NRXN1: variants seen among roughly 807,000 people sequenced by gnomAD.
The protein encoded by NRXN1 is neurexin-1.
NRXN1 carries 39 observed loss-of-function variants against 150.9 expected under a neutral mutation model. That is an observed-to-expected ratio of 0.26 (90% CI 0.20 to 0.34). The LOEUF (loss-of-function observed/expected upper bound fraction) is 0.34, where lower values mean the gene tolerates loss of function less well. NRXN1 is among the 10% of genes least tolerant of loss of function. The pLI is 1.00. For synonymous variants in NRXN1, 924 were observed against 757.0 expected (o/e 1.22, Z -3.62); for missense variants, 1,815 against 1,949.9 (o/e 0.93, Z 1.30).
At chr2:50,239,799 C>T (rs1186410098) in intron 17 of NRXN1, among the ~76,000 whole-genome samples, 4 of 146,690 alleles carry the variant, frequency 2.7e-5, no homozygotes, top group Non-Finnish European at 6.0e-5. Flanking sequence ...TCAAGGCCAA[C>T]TGTTATCATA....
intron 2 of NRXN1, among the ~76,000 whole-genome samples, chr2:50,998,100 C>T (rs1339423379): frequency 7.1e-6 from 1 of 141,278 alleles, no homozygotes; most frequent in Non-Finnish European, 1.5e-5. Context: ...AGAGTCTTTC[C>T]AGGTTTTCTG....
chr2:49,928,631 C>A (rs928422203), intron 22 of NRXN1, among the ~76,000 whole-genome samples: 2 of 151,838 alleles, frequency 1.3e-5, no homozygotes, highest in African/African-American at 2.4e-5. Context: ...TGAAAAAAAA[C>A]AACTCAAAGT....
At chr2:50,908,158 T>C (rs1683998893) in intron 5 of NRXN1, among the ~76,000 whole-genome samples, 1 of 152,100 alleles carries the variant, frequency 6.6e-6, no homozygotes, top group African/African-American at 2.4e-5. Flanking sequence ...GATAATTTAC[T>C]ACTTTTAATG....
chr2:50,956,910 C>A (rs1692375663), intron 2 of NRXN1, among the ~76,000 whole-genome samples: 1 of 152,008 alleles, frequency 6.6e-6, no homozygotes, highest in Non-Finnish European at 1.5e-5. Flanking sequence ...ATGGGAAGAT[C>A]AGGTCTTTTC....
intron 5 of NRXN1, among the ~76,000 whole-genome samples, chr2:50,659,083 T>G (rs1424819482): frequency 1.3e-5 from 2 of 151,968 alleles, no homozygotes; most frequent in East Asian, 3.9e-4. Flanking sequence ...GTCCTCCACT[T>G]TGCTCCCCAC....
intron 5 of NRXN1, among the ~76,000 whole-genome samples, chr2:50,828,255 G>C (rs1447249704): frequency 4.3e-4 from 65 of 149,638 alleles, no homozygotes; most frequent in African/African-American, 1.5e-3. Context: ...GGACGGGGCG[G>C]CTGGCCGGGC....
chr2:50,111,213 C>T (rs1702329876), intron 18 of NRXN1, among the ~76,000 whole-genome samples: 1 of 152,098 alleles, frequency 6.6e-6, no homozygotes, highest in Admixed American at 6.5e-5. Context: ...TGATCTTAGG[C>T]CCAAACTCTC....
At chr2:50,310,454 T>C (rs978799231) in intron 17 of NRXN1, among the ~76,000 whole-genome samples, 1 of 152,192 alleles carries the variant, frequency 6.6e-6, no homozygotes, top group African/African-American at 2.4e-5. Context: ...ATTTGATTAC[T>C]GCATCCCCTA....
At chr2:50,700,992 A>T (rs570823082) in intron 5 of NRXN1, among the ~76,000 whole-genome samples, 2 of 152,046 alleles carry the variant, frequency 1.3e-5, no homozygotes, top group African/African-American at 2.4e-5. Context: ...AAAATCTCTT[A>T]AATTGTCCGA....
intron 17 of NRXN1, among the ~76,000 whole-genome samples, chr2:50,448,814 T>C (rs1353944511): frequency 6.6e-6 from 1 of 152,116 alleles, no homozygotes. Context: ...GCCGACTCAC[T>C]GAACAGAAGC....
At chr2:50,853,906 G>A (rs762255706) in intron 5 of NRXN1, among the ~76,000 whole-genome samples, 35 of 152,014 alleles carry the variant, frequency 2.3e-4, no homozygotes, top group East Asian at 9.7e-4. Context: ...TGTTAATTTC[G>A]CAACACATGC....
chr2:50,552,510 G>T, intron 9 of NRXN1, 77 bp downstream of exon 9: 1 of 1,084,320 alleles, frequency 9.2e-7, no homozygotes, highest in Non-Finnish European at 1.4e-6. Flanking sequence ...AATATGTCTT[G>T]GTTTTCACTT....
rs909230798 is a variant in NRXN1 at position 50,248,258 on chromosome 2, T to C, written c.3365-11288A>G. The stretch of plus-strand genomic sequence containing the variant: ...TCAAACTTCTGGCCTCAATAGATCT[T>C]TCTGCCTTGGCCTCTGAAGTGCTGG... On this transcript the variant is annotated intron_variant, in intron 17 of 22. Coordinates refer to ENST00000401669, the MANE Select transcript of NRXN1 (RefSeq NM_001330078.2). Among the ~76,000 whole-genome samples, 7 of 152,154 alleles carry C rather than the reference T, an allele frequency of 4.6e-5. No homozygotes were observed. The East Asian group carries it at 1.3e-3, about 29-fold the overall frequency.
intron 15 of NRXN1, among the ~76,000 whole-genome samples, chr2:50,476,838 A>T (rs1019224242): frequency 7.9e-5 from 12 of 152,114 alleles, no homozygotes; most frequent in Admixed American, 2.0e-4. Context: ...TGGTAATATA[A>T]ATAGGAAAGT....
At chr2:50,749,161 T>C (rs1451275544) in intron 5 of NRXN1, among the ~76,000 whole-genome samples, 1 of 152,158 alleles carries the variant, frequency 6.6e-6, no homozygotes, top group Admixed American at 6.6e-5. Flanking sequence ...AACATCTACA[T>C]TAATATACAT....
chr2:50,574,586 G>T (rs1459955218), intron 8 of NRXN1, among the ~76,000 whole-genome samples: 1 of 152,228 alleles, frequency 6.6e-6, no homozygotes, highest in Middle Eastern at 3.4e-3. Flanking sequence ...GCTCTCTAAG[G>T]TCTCCTAACG....
At chr2:50,513,087 A>G (rs1263281345) in intron 12 of NRXN1, among the ~76,000 whole-genome samples, 1 of 152,202 alleles carries the variant, frequency 6.6e-6, no homozygotes, top group Non-Finnish European at 1.5e-5. Flanking sequence ...TCCATCATCT[A>G]TAAATGTGAG....
At chr2:50,876,155 C>A (rs1382970970) in intron 5 of NRXN1, among the ~76,000 whole-genome samples, 2 of 151,782 alleles carry the variant, frequency 1.3e-5, no homozygotes, top group Non-Finnish European at 2.9e-5. Context: ...TCTCAAAATT[C>A]AAACTGTTGA....
intron 5 of NRXN1, among the ~76,000 whole-genome samples, chr2:50,645,457 C>T (rs968816341): frequency 1.3e-5 from 2 of 151,890 alleles, no homozygotes; most frequent in South Asian, 4.1e-4. Flanking sequence ...TATAAATACT[C>T]GTCATCACAT....
Sources: gnomAD v4.1 joint callset for allele counts (sites outside exome capture counted in the v4.1 genomes callset) on GRCh38, gnomAD v4.1.1 for gene constraint, MANE v1.5 for transcripts, NCBI Gene and HGNC (gene_info 2026-07-23, HGNC 2026-07-21) for gene names.